Variants in IQCJ observed in about 807,000 individuals in gnomAD.
The protein encoded by IQCJ is IQ motif containing J.
A neutral mutation model predicts 11.0 loss-of-function variants in IQCJ; 9 were observed. The ratio of observed to expected loss-of-function variants is 0.82; its 90% CI spans 0.49 to 1.43. The LOEUF is 1.43. Ranked by LOEUF, IQCJ falls within the 40% of genes most tolerant of loss-of-function variation. The pLI, the probability that IQCJ is intolerant of heterozygous loss-of-function variation, is 0.00. For missense variants in IQCJ, 146 were observed against 133.2 expected (o/e 1.10, Z -0.47); for synonymous variants, 55 against 51.3 (o/e 1.07, Z -0.31).
intron 1 of IQCJ, among the ~76,000 whole-genome samples, chr3:159,121,981 G>A (rs950911207): frequency 1.1e-4 from 16 of 152,286 alleles, no homozygotes; most frequent in South Asian, 6.2e-4. Flanking sequence ...GTCATAGACT[G>A]GATGGCTTAT....
chr3:159,249,760 G>C (rs889253690), intron 2 of IQCJ, among the ~76,000 whole-genome samples: 2 of 152,236 alleles, frequency 1.3e-5, no homozygotes, highest in African/African-American at 2.4e-5. Flanking sequence ...CAGAACAGTT[G>C]ATTGGTTATT....
chr3:159,107,349 G>A lies in IQCJ; in HGVS notation c.9+37908G>A, dbSNP rs1375999543. ...GCTAGAAGATACTTTCCAGTAACCA[G>A]GAGGTTGACCTCACCAGACAGCAAA... On this transcript the variant is annotated intron_variant, in intron 1 of 3. Transcript: ENST00000397832. Among the ~76,000 whole-genome samples, 4 of 152,170 alleles carry A rather than the reference G, an allele frequency of 2.6e-5. No individual in the cohort carries two copies. The South Asian group carries it at 6.2e-4, about 24-fold the overall frequency.
At chr3:159,186,110 A>G (rs770804403) in intron 1 of IQCJ, among the ~76,000 whole-genome samples, 18 of 152,160 alleles carry the variant, frequency 1.2e-4, no homozygotes, top group Non-Finnish European at 2.2e-4. Flanking sequence ...AAGGGGAGAG[A>G]GACAATAAAC....
intron 1 of IQCJ, among the ~76,000 whole-genome samples, chr3:159,127,093 C>T (rs1719719503): frequency 6.6e-6 from 1 of 152,178 alleles, no homozygotes; most frequent in East Asian, 1.9e-4. Flanking sequence ...TGACAGGTTT[C>T]TATTAATTTC....
chr3:159,171,596 C>T (rs1236292116), intron 1 of IQCJ, among the ~76,000 whole-genome samples: 1 of 152,160 alleles, frequency 6.6e-6, no homozygotes, highest in Non-Finnish European at 1.5e-5. Flanking sequence ...TTAGAATCAC[C>T]AGAGGAGACC....
intron 1 of IQCJ, among the ~76,000 whole-genome samples, chr3:159,088,154 T>C (rs1434049095): frequency 6.6e-6 from 1 of 152,214 alleles, no homozygotes; most frequent in East Asian, 1.9e-4. Context: ...ACATCTTTAT[T>C]TCTGCCTTCA....
At chr3:159,116,389 C>G (rs1719000061) in intron 1 of IQCJ, among the ~76,000 whole-genome samples, 1 of 151,998 alleles carries the variant, frequency 6.6e-6, no homozygotes. Flanking sequence ...CCAACACTGT[C>G]TCTTTTTAAA....
At chr3:159,131,901 T>A (rs1261127146) in intron 1 of IQCJ, among the ~76,000 whole-genome samples, 2 of 152,108 alleles carry the variant, frequency 1.3e-5, no homozygotes, top group Non-Finnish European at 2.9e-5. Flanking sequence ...GAGTACCTTC[T>A]TTTTATTCCT....
chr3:159,124,919 C>T (rs916927294), intron 1 of IQCJ, among the ~76,000 whole-genome samples: 26 of 152,104 alleles, frequency 1.7e-4, no homozygotes, highest in Admixed American at 5.9e-4. Context: ...CATTGATTAC[C>T]TCAAGAAGCA....
chr3:159,124,770 T>C (rs562116198), intron 1 of IQCJ, among the ~76,000 whole-genome samples: 1 of 152,292 alleles, frequency 6.6e-6, no homozygotes, highest in Non-Finnish European at 1.5e-5. Context: ...GCTCAAAACA[T>C]GTTTGTTGAA....
chr3:159,257,075 G>A (rs1560045200), intron 3 of IQCJ, among the ~76,000 whole-genome samples: 1 of 152,156 alleles, frequency 6.6e-6, no homozygotes, highest in African/African-American at 2.4e-5. Flanking sequence ...TTTATCATGA[G>A]ATAAAACTTT....
chr3:159,143,115 AT>A (rs532205772), intron 1 of IQCJ, among the ~76,000 whole-genome samples: 19 of 152,174 alleles, frequency 1.2e-4, no homozygotes, highest in Non-Finnish European at 2.2e-4. Flanking sequence ...AAGAAAGAAA[AT>A]TCATGTTTTT....
intron 1 of IQCJ, among the ~76,000 whole-genome samples, chr3:159,149,183 G>A (rs779483857): frequency 6.6e-6 from 1 of 152,156 alleles, no homozygotes; most frequent in Non-Finnish European, 1.5e-5. Context: ...GCTCACACGG[G>A]CACAATCCTG....
At chr3:159,234,827 G>A (rs890350676) in intron 1 of IQCJ, among the ~76,000 whole-genome samples, 1 of 152,090 alleles carries the variant, frequency 6.6e-6, no homozygotes, top group African/African-American at 2.4e-5. Context: ...CATTTGGATT[G>A]CTTCTTCACA....
chr3:159,072,099 GATACC>G (rs1323645714), intron 1 of IQCJ, among the ~76,000 whole-genome samples: 3 of 152,130 alleles, frequency 2.0e-5, no homozygotes, highest in Non-Finnish European at 4.4e-5. Context: ...CCTGTTTAAA[GATACC>G]ATTCCTGCTA....
intron 1 of IQCJ, among the ~76,000 whole-genome samples, chr3:159,088,529 T>C (rs1242753787): frequency 9.9e-5 from 15 of 152,178 alleles, no homozygotes; most frequent in Admixed American, 5.2e-4. Context: ...TGCTAAAGTC[T>C]CCCATTATTA....
chr3:159,252,670 G>A, intron 2 of IQCJ, 57 bp from the exon 3 acceptor site: 1 of 1,466,270 alleles, frequency 6.8e-7, no homozygotes, highest in South Asian at 1.3e-5. Context: ...CAGTATTATT[G>A]CTATAGATGT....
downstream of IQCJ, among the ~76,000 whole-genome samples, chr3:159,264,677 T>C (rs1268818180): frequency 1.3e-5 from 2 of 152,086 alleles, no homozygotes; most frequent in Non-Finnish European, 2.9e-5. Flanking sequence ...TTTGGGAGGC[T>C]GAGGTGGGCA....
Position 159,162,574 on chromosome 3 carries a change from TA to T in IQCJ, c.10-83268del, listed in dbSNP as rs1259390710. Among the ~76,000 whole-genome samples the T allele has an allele frequency of 4.6e-5, 7 of 152,252 alleles. No homozygotes were observed. In the East Asian group the frequency reaches 1.4e-3, roughly 29 times the overall value. The stretch of plus-strand genomic sequence containing the variant: ...GCAGCACTTCCAACACTATGTTGAA[TA>T]GGAGTGGTGAGAGAGATAGAGACAC... On this transcript the variant is annotated intron_variant, in intron 1 of 3. Transcript: ENST00000397832.
Sources: gnomAD v4.1 joint callset for allele counts (sites outside exome capture counted in the v4.1 genomes callset) on GRCh38, gnomAD v4.1.1 for gene constraint, MANE v1.5 for transcripts, NCBI Gene and HGNC (gene_info 2026-07-23, HGNC 2026-07-21) for gene names.